RNF111: variants seen among roughly 807,000 people sequenced by gnomAD.
RNF111 encodes ring finger protein 111.
In RNF111, 17 loss-of-function variants were observed where a neutral mutation model predicts 95.1. The ratio of observed to expected loss-of-function variants is 0.18; its 90% CI spans 0.12 to 0.27. The LOEUF (loss-of-function observed/expected upper bound fraction) is 0.27. Ranked by LOEUF, RNF111 falls within the 10% of genes least tolerant of loss-of-function variation. RNF111 has a pLI of 1.00. For synonymous variants in RNF111, 440 were observed against 414.8 expected (o/e 1.06, Z -0.74); for missense variants, 1,189 against 1,210.4 (o/e 0.98, Z 0.26).
chr15:58,994,033 A>ATTTTTT (rs371453519), intron 1 of RNF111, among the ~76,000 whole-genome samples: 3 of 103,108 alleles, frequency 2.9e-5, no homozygotes, highest in East Asian at 3.1e-4. Context: ...TGTTACTTAA[A>ATTTTTT]TTTTTTTTTT....
At chr15:59,021,844 C>T (rs544358521) in intron 1 of RNF111, among the ~76,000 whole-genome samples, 9 of 151,996 alleles carry the variant, frequency 5.9e-5, no homozygotes, top group African/African-American at 9.6e-5. Flanking sequence ...TATTGCTATG[C>T]GTTCATTTTT....
intron 12 of RNF111, among the ~76,000 whole-genome samples, chr15:59,091,363 T>C (rs1390266499): frequency 1.3e-5 from 2 of 152,206 alleles, no homozygotes; most frequent in African/African-American, 4.8e-5. Context: ...AGTGAAATCA[T>C]AGTTAAGGAT....
chr15:59,046,023 A>G (rs1299074535), intron 2 of RNF111, among the ~76,000 whole-genome samples: 1 of 152,220 alleles, frequency 6.6e-6, no homozygotes, highest in African/African-American at 2.4e-5. Context: ...TTCACATCTC[A>G]TAACTCCTAA....
chr15:59,087,245 A>G (rs751053318), intron 10 of RNF111, among the ~76,000 whole-genome samples: 11 of 152,234 alleles, frequency 7.2e-5, no homozygotes, highest in Non-Finnish European at 1.6e-4. Context: ...CAAGAGGGTG[A>G]AAAAACCTTA....
At chr15:59,007,384 C>T (rs367601596) in intron 1 of RNF111, among the ~76,000 whole-genome samples, 7 of 151,994 alleles carry the variant, frequency 4.6e-5, no homozygotes, top group Middle Eastern at 3.4e-3. Flanking sequence ...GAGATTAATC[C>T]GTATTGATAC....
At position 59,095,083 on chromosome 15, in the gene RNF111, T is replaced by A; in HGVS notation, c.*183T>A. 1.8e-6 allele frequency: 1 copy of A among 549,970 alleles called. No individual in the cohort carries two copies. The highest frequency in any genetic ancestry group is 3.2e-6 in the Non-Finnish European group (1 of 310,722). 34.1% of individuals were successfully genotyped at this position (549,970 alleles called of 1,614,324 possible). A position where few individuals can be genotyped will look rare whatever the true frequency, so the allele number is the denominator to read the frequency against. ...ATGTATACAGTTGATTTTGATGTATTTATAAAAGCTTTTTTTTCTAGATTT... is the reference window on the plus strand; with the variant it reads ...ATGTATACAGTTGATTTTGATGTATATATAAAAGCTTTTTTTTCTAGATTT... On this transcript the variant is annotated 3_prime_UTR_variant, in exon 14 of 14. Transcript: ENST00000348370.
intron 5 of RNF111, among the ~76,000 whole-genome samples, chr15:59,066,524 C>T (rs557949994): frequency 2.6e-5 from 4 of 152,118 alleles, no homozygotes; most frequent in Non-Finnish European, 4.4e-5. Flanking sequence ...GGAGGAAAAT[C>T]GCTTGAACCC....
intron 1 of RNF111, among the ~76,000 whole-genome samples, chr15:59,022,761 C>A (rs533859290): frequency 6.6e-6 from 1 of 152,342 alleles, no homozygotes; most frequent in Non-Finnish European, 1.5e-5. Context: ...TAGGAAACTT[C>A]TCATTATTAA....
At chr15:59,068,358 G>T (rs1016351590) in intron 6 of RNF111, among the ~76,000 whole-genome samples, 1 of 152,250 alleles carries the variant, frequency 6.6e-6, no homozygotes, top group Non-Finnish European at 1.5e-5. Flanking sequence ...TGTAATTCCA[G>T]CACTTTGGGA....
chr15:59,012,743 C>CT (rs71119428), intron 1 of RNF111, among the ~76,000 whole-genome samples: 47,411 of 142,750 alleles, frequency 0.33, 7,796 homozygotes, highest in Middle Eastern at 0.43. Context: ...CTCTTTTTTT[C>CT]TTTTTTTTTT....
chr15:59,068,525 T>C (rs1239137942), intron 6 of RNF111, among the ~76,000 whole-genome samples: 2 of 151,140 alleles, frequency 1.3e-5, no homozygotes, highest in Non-Finnish European at 3.0e-5. Context: ...ATAATCACTT[T>C]AACTTTAGAG....
At chr15:59,019,847 T>G (rs1420266526) in intron 1 of RNF111, among the ~76,000 whole-genome samples, 1 of 152,040 alleles carries the variant, frequency 6.6e-6, no homozygotes, top group Non-Finnish European at 1.5e-5. Flanking sequence ...TAGTCCTAGC[T>G]GCTCGGGAGG....
rs115700889 is a variant in RNF111 at position 58,991,248 on chromosome 15, G to T, written c.-20+3180G>T. 1.3e-5 allele frequency among the ~76,000 whole-genome samples: 2 copies of T among 151,938 alleles called. 1 individual carries two copies. The highest frequency in any genetic ancestry group is 4.8e-5 in the African/African-American group (2 of 41,386). ...GGAGGTGGAGGTTCCACTGAGCTGAGATCTGCACTCCAGCCTGGGTGACAG... is the reference window on the plus strand; with the variant it reads ...GGAGGTGGAGGTTCCACTGAGCTGATATCTGCACTCCAGCCTGGGTGACAG... On this transcript the variant is annotated intron_variant, in intron 1 of 13. Coordinates refer to ENST00000348370, the MANE Select transcript of RNF111 (RefSeq NM_017610.8).
chr15:59,038,196 A>T (rs532912424), intron 2 of RNF111, among the ~76,000 whole-genome samples: 2 of 152,296 alleles, frequency 1.3e-5, no homozygotes, highest in South Asian at 4.1e-4. Context: ...TAGGATCCTC[A>T]TCTGCTTTGT....
intron 2 of RNF111, among the ~76,000 whole-genome samples, chr15:59,037,739 G>A (rs537311591): frequency 1.3e-5 from 2 of 152,224 alleles, no homozygotes; most frequent in Non-Finnish European, 2.9e-5. Context: ...GGGAGGCTGA[G>A]GCAGGAGAAT....
At chr15:59,083,687 A>C (rs1192331193) in intron 8 of RNF111, among the ~76,000 whole-genome samples, 3 of 152,318 alleles carry the variant, frequency 2.0e-5, no homozygotes, top group Non-Finnish European at 2.9e-5. Flanking sequence ...TTACAGTATA[A>C]GAGTAAATGA....
chr15:59,064,558 A>G (rs1277339431), intron 5 of RNF111, among the ~76,000 whole-genome samples: 5 of 149,494 alleles, frequency 3.3e-5, no homozygotes, highest in Admixed American at 2.7e-4. Flanking sequence ...AAAAAAGGAA[A>G]TAATTTGTCG....
chr15:59,019,105 A>ATTTTTTTTTTTT (rs35154303), intron 1 of RNF111, among the ~76,000 whole-genome samples: 6 of 121,286 alleles, frequency 4.9e-5, no homozygotes, highest in South Asian at 2.6e-4. Context: ...GTATTTTTGT[A>ATTTTTTTTTTTT]TTTTTTTTTT....
chr15:59,015,356 A>G (rs915593702), intron 1 of RNF111, among the ~76,000 whole-genome samples: 1 of 152,140 alleles, frequency 6.6e-6, no homozygotes, highest in Non-Finnish European at 1.5e-5. Flanking sequence ...ATGAATTCAC[A>G]TATAGTTTTA....
Sources: gnomAD v4.1 joint callset for allele counts (sites outside exome capture counted in the v4.1 genomes callset) on GRCh38, gnomAD v4.1.1 for gene constraint, MANE v1.5 for transcripts, NCBI Gene and HGNC (gene_info 2026-07-23, HGNC 2026-07-21) for gene names.